Variants in NLRP4 observed in about 807,000 individuals in gnomAD.
NLRP4 encodes NACHT, LRR and PYD domains-containing protein 4.
NLRP4 carries 44 observed loss-of-function variants against 84.7 expected under a neutral mutation model. The observed-to-expected ratio is 0.52, with a 90% confidence interval of 0.41 to 0.67. The LOEUF (loss-of-function observed/expected upper bound fraction) is 0.67. Among genes scored for constraint, NLRP4 ranks in the 30% least tolerant of loss-of-function variants. NLRP4 has a pLI of 0.00. For missense variants in NLRP4, 1,260 were observed against 1,219.4 expected (o/e 1.03, Z -0.50); for synonymous variants, 544 against 476.4 (o/e 1.14, Z -1.85).
At chr19:55,879,243 G>A (rs945970610) in intron 9 of NLRP4, among the ~76,000 whole-genome samples, 1 of 148,944 alleles carries the variant, frequency 6.7e-6, no homozygotes, top group African/African-American at 2.6e-5. Context: ...ATCCAAGGAC[G>A]CAGAGATCCA....
At chr19:55,852,525 A>G (rs1984208143) in intron 2 of NLRP4, among the ~76,000 whole-genome samples, 165 bp downstream of exon 2, 1 of 147,396 alleles carries the variant, frequency 6.8e-6, no homozygotes, top group Non-Finnish European at 1.5e-5. Context: ...TGTTGCCCAG[A>G]CAGTGCAGTA....
At chr19:55,850,609 A>ACGAGGCTGCGGTGTAATGTC (rs1600223685) in intron 1 of NLRP4, among the ~76,000 whole-genome samples, 8 of 25,784 alleles carry the variant, frequency 3.1e-4, no homozygotes, top group South Asian at 2.8e-3. Context: ...GGTGTAATTT[A>ACGAGGCTGCGGTGTAATGTC]CGAGGCTGCG....
chr19:55,856,871 C>T (rs1243645455), intron 2 of NLRP4, among the ~76,000 whole-genome samples: 1 of 152,146 alleles, frequency 6.6e-6, no homozygotes, highest in Non-Finnish European at 1.5e-5. Flanking sequence ...AAAGAAAGCT[C>T]ACTGGCATAA....
Position 55,870,719 on chromosome 19 carries a change from G to A in NLRP4, c.2355-108G>A, listed in dbSNP as rs997968107. The stretch of plus-strand genomic sequence containing the variant: ...ATAATCCAGAACTTCATCTCAGCTG[G>A]GGAGTTTGTAAGATTATAGAAATAT... On this transcript the variant is annotated intron_variant, in intron 6 of 9. Transcript: ENST00000301295. The A allele has an allele frequency of 5.5e-6, 4 of 733,604 alleles. No homozygotes were observed. The Admixed American group carries it at 9.5e-5, about 17-fold the overall frequency. 45.4% of individuals were successfully genotyped at this position (733,604 alleles called of 1,614,324 possible).
Position 55,858,201 on chromosome 19 carries a change from C to T in NLRP4, c.808C>T (p.Leu270Phe). 1 of 1,614,150 alleles carries T rather than the reference C, an allele frequency of 6.2e-7. No homozygotes were observed. The highest frequency in any genetic ancestry group is 8.5e-7 in the Non-Finnish European group (1 of 1,180,018). ...LLSSLLRKKM[L>F]PEASLLIAIK... ...GAGCAGTTTGCTGAGGAAGAAGATG[C>T]TCCCGGAGGCCTCCCTGCTCATCGC... The change falls in exon 3 of 10, where the codon CTC becomes TTC. Residue 270 changes from leucine to phenylalanine, a missense_variant. Leu to Phe is a conservative substitution (Grantham distance 22). Transcript: ENST00000301295. The surrounding 1 kb of genome is among the most constrained non-coding windows in gnomAD (Gnocchi z 4.2).
chr19:55,837,607 AAC>A lies in NLRP4; in HGVS notation c.-66+689_-66+690del, dbSNP rs145535303. Among the ~76,000 whole-genome samples, 291 of 151,564 alleles carry A rather than the reference AAC, an allele frequency of 1.9e-3. 1 individual carries two copies. The highest frequency in any genetic ancestry group is 6.8e-3 in the African/African-American group (282 of 41,342). On this transcript the variant is annotated intron_variant, in intron 1 of 9. Transcript: ENST00000301295. The stretch of plus-strand genomic sequence containing the variant: ...GGTTGAATTGTGTCCCAACCCTAAA[AAC>A]ACACACACACACACAAAGTCCTAAC...
At chr19:55,839,368 T>C (rs899364914) in intron 1 of NLRP4, among the ~76,000 whole-genome samples, 2 of 151,744 alleles carry the variant, frequency 1.3e-5, no homozygotes, top group Non-Finnish European at 1.5e-5. Flanking sequence ...CACACACACA[T>C]ACCCACACAC....
intron 1 of NLRP4, among the ~76,000 whole-genome samples, chr19:55,846,570 A>T (rs1398258364): frequency 6.6e-6 from 1 of 152,184 alleles, no homozygotes; most frequent in Admixed American, 6.5e-5. Flanking sequence ...TATATAACTG[A>T]TGTTATATAA....
intron 1 of NLRP4, among the ~76,000 whole-genome samples, chr19:55,838,017 C>T (rs1045032540): frequency 9.3e-5 from 10 of 107,936 alleles, no homozygotes; most frequent in Non-Finnish European, 1.7e-4. Flanking sequence ...GCCTGGGTGA[C>T]AGAATGAGAC....
rs1252555297 is a variant in NLRP4, at chr19:55,850,011, G to GT, written c.-65-2005_-65-2004insT. On this transcript the variant is annotated intron_variant, in intron 1 of 9. Transcript: ENST00000301295. ...TTTCCGAGACTGCGGTGTGATTTCC[G>GT]AGACTGCGGTGTGATTTCCGAGACT... Among the ~76,000 whole-genome samples, 122 of 144,216 alleles carry GT rather than the reference G, an allele frequency of 8.5e-4. 2 individuals carry two copies. Among genetic ancestry groups the GT allele is most frequent in the East Asian group, 3.6e-3 (17 of 4,748 alleles). 94.6% of individuals were successfully genotyped at this position (144,216 alleles called of 152,430 possible). A position where few individuals can be genotyped will look rare whatever the true frequency, so the allele number is the denominator to read the frequency against.
intron 7 of NLRP4, among the ~76,000 whole-genome samples, chr19:55,873,644 GATGAAA>G (rs1009052785): frequency 1.1e-4 from 17 of 152,164 alleles, no homozygotes; most frequent in African/African-American, 4.1e-4. Flanking sequence ...TCAATAAAAT[GATGAAA>G]ATGAAAGGAT....
chr19:55,872,646 C>A (rs1326765166), intron 7 of NLRP4, among the ~76,000 whole-genome samples: 1 of 151,826 alleles, frequency 6.6e-6, no homozygotes, highest in Non-Finnish European at 1.5e-5. Flanking sequence ...GTTACAATTA[C>A]CTAGAAAGCA....
chr19:55,846,063 A>C (rs895396169), intron 1 of NLRP4, among the ~76,000 whole-genome samples: 9 of 152,122 alleles, frequency 5.9e-5, no homozygotes, highest in Admixed American at 5.9e-4. Context: ...TTTTGTTGCC[A>C]TTGCTTGGTG....
rs140863186 is a variant in NLRP4, at chr19:55,859,242, A to G, written c.1849A>G (p.Ser617Gly). The change falls in exon 3 of 10, where the codon AGC becomes GGC. Residue 617 changes from serine (S) to glycine (G), a missense_variant. This residue lies in a region of NLRP4 where 544 missense variants were observed against 531.7 expected (regional missense o/e 1.02). Transcript: ENST00000301295. ...QNVFKKEDEH[S>G]STSDYSLICW... ...TGTCTTTAAGAAAGAGGATGAACAC[A>G]GCTCTACGTGAGTCCATCCTATGAC... is the stretch of plus-strand genomic sequence containing the variant. The G allele has an allele frequency of 2.3e-4, 363 of 1,600,902 alleles. No homozygotes were observed. In the African/African-American group the frequency reaches 4.1e-3, roughly 18 times the overall value.
intron 2 of NLRP4, among the ~76,000 whole-genome samples, chr19:55,856,475 G>A (rs954044432): frequency 1.3e-5 from 2 of 151,468 alleles, no homozygotes; most frequent in Non-Finnish European, 2.9e-5. Flanking sequence ...GAGGGGTTGT[G>A]GGATGCGTAG....
At chr19:55,864,877 A>G (rs913229303) in intron 5 of NLRP4, among the ~76,000 whole-genome samples, 11 of 152,136 alleles carry the variant, frequency 7.2e-5, no homozygotes, top group Admixed American at 3.9e-4. Context: ...TCATTTCTAT[A>G]TCTTCTTTGG....
rs183363842 is a variant in NLRP4 at position 55,847,994 on chromosome 19, C to T, written c.-65-4022C>T. Among the ~76,000 whole-genome samples, 844 of 152,252 alleles carry T rather than the reference C, an allele frequency of 5.5e-3. 14 individuals are homozygous for T. The highest frequency in any genetic ancestry group is 0.02 in the Middle Eastern group (6 of 294). On this transcript the variant is annotated intron_variant, in intron 1 of 9. Coordinates refer to ENST00000301295, the MANE Select transcript of NLRP4 (RefSeq NM_134444.5). The stretch of plus-strand genomic sequence containing the variant: ...CCTCCCAAAGTGCTGGGATGACAGG[C>T]GTGAGCCACTGCACCTGGCCCCTAA...
intron 7 of NLRP4, among the ~76,000 whole-genome samples, chr19:55,875,594 G>A (rs181453418): frequency 9.9e-5 from 15 of 152,260 alleles, no homozygotes; most frequent in Non-Finnish European, 1.2e-4. Context: ...TCAGTTTTCT[G>A]TAAGTTGAAT....
chr19:55,850,592 T>TGGCTGCGGTGTAATTTACGA (rs1984055700), intron 1 of NLRP4, among the ~76,000 whole-genome samples: 10 of 66,140 alleles, frequency 1.5e-4, no homozygotes, highest in Admixed American at 2.6e-4. Context: ...GTAATTTCCG[T>TGGCTGCGGTGTAATTTACGA]GGCTGCGGTG....
Sources: gnomAD v4.1 joint callset for allele counts (sites outside exome capture counted in the v4.1 genomes callset) on GRCh38, gnomAD v4.1.1 for gene constraint, gnomAD v4.1.1 regional missense constraint, Gnocchi (gnomAD v3.1) non-coding constraint, MANE v1.5 for transcripts, NCBI Gene and HGNC (gene_info 2026-07-23, HGNC 2026-07-21) for gene names.